The following HECW2 variants were observed in gnomAD, a reference collection of about 807,000 sequenced individuals.
HECW2 encodes the protein E3 ubiquitin-protein ligase HECW2.
In HECW2, 61 loss-of-function variants were observed where a neutral mutation model predicts 175.2. The observed-to-expected ratio is 0.35, with a 90% confidence interval of 0.28 to 0.43. The LOEUF (loss-of-function observed/expected upper bound fraction) is 0.43, where lower values mean the gene tolerates loss of function less well. Among genes scored for constraint, HECW2 ranks in the 20% least tolerant of loss-of-function variants. HECW2 has a pLI of 1.00. For missense variants in HECW2, 1,524 were observed against 2,000.5 expected (o/e 0.76, Z 4.54); for synonymous variants, 671 against 731.0 (o/e 0.92, Z 1.32).
At chr2:196,554,218 C>A (rs916335779) in intron 1 of HECW2, among the ~76,000 whole-genome samples, 1 of 151,546 alleles carries the variant, frequency 6.6e-6, no homozygotes, top group African/African-American at 2.4e-5. Context: ...CCCAGCTACT[C>A]GGGAGGCTGA....
intron 3 of HECW2, 92 bp from the exon 4 acceptor site, chr2:196,334,610 A>G (rs1692484008): frequency 2.1e-6 from 2 of 957,472 alleles, no homozygotes; most frequent in African/African-American, 3.2e-5. Flanking sequence ...CCTCTCAGGG[A>G]ATCCTACTCA....
intron 1 of HECW2, among the ~76,000 whole-genome samples, chr2:196,501,975 C>CCCCA (rs1188093086): frequency 6.6e-6 from 1 of 152,190 alleles, no homozygotes; most frequent in Non-Finnish European, 1.5e-5. Context: ...AGCACAGTCT[C>CCCCA]CCAATCCCCA....
chr2:196,258,014 T>C (rs549953245), intron 17 of HECW2, 108 bp from the exon 18 acceptor site: 68 of 744,360 alleles, frequency 9.1e-5, no homozygotes, highest in Non-Finnish European at 1.2e-4. Flanking sequence ...TGGTACCTAT[T>C]ATGTGGCAGC....
chr2:196,212,983 C>CA lies in HECW2; in HGVS notation c.4607+2881dup, dbSNP rs150843720. ...TTCCATTGTGCAACTTAACGCCTAT[C>CA]AAAAAATAGCAGAAAAATGGCTTCA... On this transcript the variant is annotated intron_variant, in intron 28 of 28. Coordinates refer to ENST00000644978, the MANE Select transcript of HECW2 (RefSeq NM_001348768.2). Among the ~76,000 whole-genome samples the CA allele has an allele frequency of 8.0e-3, 1,211 of 152,258 alleles. 6 individuals carry two copies. Among genetic ancestry groups the CA allele is most frequent in the Non-Finnish European group, 0.014 (936 of 68,008 alleles).
At chr2:196,502,081 T>A (rs1687594965) in intron 1 of HECW2, among the ~76,000 whole-genome samples, 1 of 152,246 alleles carries the variant, frequency 6.6e-6, no homozygotes, top group Non-Finnish European at 1.5e-5. Flanking sequence ...CACGTAGTTT[T>A]GTTTATTTTG....
intron 1 of HECW2, among the ~76,000 whole-genome samples, chr2:196,445,640 G>A (rs1696160601): frequency 6.6e-6 from 1 of 152,210 alleles, no homozygotes; most frequent in African/African-American, 2.4e-5. Context: ...CTTCTGTACT[G>A]TAATGTATAA....
intron 14 of HECW2, chr2:196,289,167 T>C (rs1690506596): frequency 6.6e-6 from 1 of 152,218 alleles, no homozygotes; most frequent in South Asian, 2.1e-4. Context: ...GAAAGGAAGA[T>C]GTTACACTAG....
chr2:196,436,054 C>T (rs1176146465), intron 1 of HECW2, among the ~76,000 whole-genome samples: 6 of 152,144 alleles, frequency 3.9e-5, no homozygotes, highest in Admixed American at 3.9e-4. Flanking sequence ...CAGTGAGGAC[C>T]TCAGATATCT....
intron 10 of HECW2, among the ~76,000 whole-genome samples, chr2:196,315,371 T>G (rs896423216): frequency 2.0e-5 from 3 of 152,196 alleles, no homozygotes; most frequent in African/African-American, 7.2e-5. Flanking sequence ...TGTATCAGAC[T>G]GTCTCCCCAT....
chr2:196,543,644 G>A (rs951927907), intron 1 of HECW2, among the ~76,000 whole-genome samples: 5 of 151,272 alleles, frequency 3.3e-5, no homozygotes, highest in Admixed American at 1.3e-4. Flanking sequence ...ATGGAGTCTC[G>A]CTCTGTCGCC....
intron 1 of HECW2, among the ~76,000 whole-genome samples, chr2:196,577,268 G>T (rs568484984): frequency 6.6e-6 from 1 of 152,202 alleles, no homozygotes; most frequent in East Asian, 1.9e-4. Flanking sequence ...AAAAAATTAG[G>T]TGTGCTGTGC....
Position 196,318,857 on chromosome 2 carries a change from T to C in HECW2, c.2033A>G (p.Glu678Gly), listed in dbSNP as rs1691815715. 6.4e-7 allele frequency: 1 copy of C among 1,551,858 alleles called. No individual in the cohort carries two copies. Residue 678 changes from glutamate (E) to glycine (G), a missense_variant, in exon 9 of 29, where the codon GAG (glutamate) becomes GGG (glycine). Physicochemically the swap from Glu to Gly is moderately conservative, Grantham distance 98. This residue lies in a region of HECW2 where 604 missense variants were observed against 588.3 expected (regional missense o/e 1.03). Coordinates refer to ENST00000644978, the MANE Select transcript of HECW2 (RefSeq NM_001348768.2). ...FPETPAFSSQ[E>G]EEDGACAAEP... Reference sequence around the variant, plus strand: ...TGCTGCACAGGCTCCGTCTTCCTCCTCCTGAGAAGAAAAGGCTGGGGTTTC... The same window carrying C: ...TGCTGCACAGGCTCCGTCTTCCTCCCCCTGAGAAGAAAAGGCTGGGGTTTC...
At chr2:196,535,063 A>C (rs11898637) in intron 1 of HECW2, among the ~76,000 whole-genome samples, 5,360 of 150,672 alleles carry the variant, frequency 0.036, 316 homozygotes, top group African/African-American at 0.12. Flanking sequence ...AAAAAAAAAA[A>C]CAAAAAACCC....
chr2:196,242,453 T>C, intron 19 of HECW2: 3 of 464,254 alleles, frequency 6.5e-6, no homozygotes, highest in Non-Finnish European at 1.2e-5. Flanking sequence ...TGCCCATGTG[T>C]TTCTCAAGTA....
chr2:196,365,095 G>A (rs1693708501), intron 2 of HECW2, among the ~76,000 whole-genome samples: 1 of 152,338 alleles, frequency 6.6e-6, no homozygotes, highest in African/African-American at 2.4e-5. Flanking sequence ...TAGCAAGGAT[G>A]CCCATGGGTG....
chr2:196,373,513 C>T (rs1184373922), intron 2 of HECW2, among the ~76,000 whole-genome samples: 2 of 152,176 alleles, frequency 1.3e-5, no homozygotes, highest in Non-Finnish European at 2.9e-5. Context: ...TCCCACCCTT[C>T]CCTACCAAGC....
At position 196,316,012 on chromosome 2, in the gene HECW2, A is replaced by G. The variant is rs1475640627; in HGVS notation, c.2434+1262T>C. ...TTATACCTAAATATCTTCCAGAAAC[A>G]TTTTCCTTTTTTGACTCATCTTTTC... On this transcript the variant is annotated intron_variant, in intron 10 of 28. Transcript: ENST00000644978. 2.6e-5 allele frequency: 4 copies of G among 151,976 alleles called. No homozygotes were observed. In the East Asian group the frequency reaches 7.7e-4, roughly 29 times the overall value. 9.4% of individuals were successfully genotyped at this position (151,976 alleles called of 1,614,324 possible).
At chr2:196,366,803 C>T (rs1693757276) in intron 2 of HECW2, among the ~76,000 whole-genome samples, 1 of 152,188 alleles carries the variant, frequency 6.6e-6, no homozygotes, top group South Asian at 2.1e-4. Flanking sequence ...AATCCCCCTT[C>T]TCTAATTCAA....
At position 196,274,017 on chromosome 2, in the gene HECW2, A is replaced by G. The variant is rs1689846249; in HGVS notation, c.3238+4T>C. ...CAGATGATTTCTGGAAAGGGATGAC[A>G]TACCCACTGGAACCATGTCCTGGTA... On this transcript the variant is annotated splice_donor_region_variant and intron_variant, in intron 16 of 28. Coordinates refer to ENST00000644978, the MANE Select transcript of HECW2 (RefSeq NM_001348768.2). The G allele has an allele frequency of 6.3e-7, 1 of 1,594,700 alleles. No individual in the cohort carries two copies. The highest frequency in any genetic ancestry group is 1.3e-5 in the African/African-American group (1 of 74,660).
Sources: allele counts gnomAD v4.1 joint callset (sites outside exome capture counted in the v4.1 genomes callset), GRCh38; gene constraint gnomAD v4.1.1; regional missense constraint gnomAD v4.1.1; transcripts MANE v1.5; gene names NCBI Gene and HGNC (gene_info 2026-07-23, HGNC 2026-07-21).